PKP4: variants seen among roughly 807,000 people sequenced by gnomAD.
The protein encoded by PKP4 is plakophilin-4.
Under a neutral mutation model 145.1 loss-of-function variants are expected in PKP4, and 90 were observed. That is an observed-to-expected ratio of 0.62 (90% CI 0.52 to 0.74). The LOEUF is 0.74. Among genes scored for constraint, PKP4 ranks in the 30% least tolerant of loss-of-function variants. The pLI is 0.00. For synonymous variants in PKP4, 563 were observed against 577.2 expected (o/e 0.98, Z 0.35); for missense variants, 1,340 against 1,482.7 (o/e 0.90, Z 1.58).
intron 2 of PKP4, among the ~76,000 whole-genome samples, chr2:158,549,627 T>C (rs2045415777): frequency 6.6e-6 from 1 of 152,042 alleles, no homozygotes; most frequent in Non-Finnish European, 1.5e-5. Context: ...ACTTTTTTTC[T>C]TATAATATTT....
intron 11 of PKP4, among the ~76,000 whole-genome samples, chr2:158,651,692 T>C (rs550761307): frequency 1.3e-5 from 2 of 151,854 alleles, no homozygotes; most frequent in Admixed American, 6.6e-5. Context: ...TCACACACTT[T>C]GAAAAACATC....
chr2:158,674,407 T>C (rs3755425), intron 19 of PKP4, among the ~76,000 whole-genome samples: 4,745 of 152,262 alleles, frequency 0.031, 211 homozygotes, highest in East Asian at 0.19. Context: ...CCAAAGTGAA[T>C]TTTTTTAAGT....
At chr2:158,636,608 G>T (rs1334775482) in intron 9 of PKP4, among the ~76,000 whole-genome samples, 1 of 151,420 alleles carries the variant, frequency 6.6e-6, no homozygotes, top group African/African-American at 2.4e-5. Context: ...TTTTTTTTCT[G>T]CCCCAAACTC....
At chr2:158,543,353 G>A (rs2044688702) in intron 2 of PKP4, among the ~76,000 whole-genome samples, 1 of 152,138 alleles carries the variant, frequency 6.6e-6, no homozygotes, top group Non-Finnish European at 1.5e-5. Flanking sequence ...ATTAGTGGTA[G>A]AGGCTAAAAA....
chr2:158,501,475 C>T (rs1696552319), intron 1 of PKP4, among the ~76,000 whole-genome samples: 2 of 152,220 alleles, frequency 1.3e-5, no homozygotes, highest in Non-Finnish European at 2.9e-5. Context: ...AGATTTCTCT[C>T]TCCCTACCCT....
chr2:158,557,230 C>T (rs1269525730), intron 2 of PKP4, among the ~76,000 whole-genome samples: 1 of 152,096 alleles, frequency 6.6e-6, no homozygotes, highest in Non-Finnish European at 1.5e-5. Flanking sequence ...TACTATGTGG[C>T]TCATTGTATG....
rs142162051 is a variant in PKP4 at position 158,542,700 on chromosome 2, A to T, written c.132+9384A>T. On this transcript the variant is annotated intron_variant, in intron 2 of 21. Transcript: ENST00000389759. ...CTCTGACAGGTCTGCCATTGTGCGAAAAAAGACCCTTCATTGCTTTACTGG... is the reference window on the plus strand; with the variant it reads ...CTCTGACAGGTCTGCCATTGTGCGATAAAAGACCCTTCATTGCTTTACTGG... Among the ~76,000 whole-genome samples, 3 of 152,302 alleles carry T rather than the reference A, an allele frequency of 2.0e-5. No individual in the cohort carries two copies. In the East Asian group the frequency reaches 5.8e-4, roughly 29 times the overall value.
chr2:158,644,080 T>A (rs1391915702), intron 11 of PKP4, among the ~76,000 whole-genome samples: 1 of 152,142 alleles, frequency 6.6e-6, no homozygotes, highest in Admixed American at 6.6e-5. Flanking sequence ...TAGGGAACTT[T>A]TATAAGGAAC....
chr2:158,555,085 A>G (rs912694241), intron 2 of PKP4, among the ~76,000 whole-genome samples: 2 of 152,218 alleles, frequency 1.3e-5, no homozygotes, highest in African/African-American at 2.4e-5. Flanking sequence ...GATATTTTCT[A>G]ATTGTTCTCC....
At chr2:158,484,392 A>G (rs1266803765) in intron 1 of PKP4, among the ~76,000 whole-genome samples, 3 of 152,164 alleles carry the variant, frequency 2.0e-5, no homozygotes, top group African/African-American at 7.2e-5. Flanking sequence ...ACTCAGCGTC[A>G]TTTCCACTTG....
In PKP4 at chr2:158,680,464, C is replaced by T. The variant is rs1378490053; in HGVS notation, c.3366C>T (p.Asn1122=). The T allele has an allele frequency of 3.7e-6, 6 of 1,612,472 alleles. No individual in the cohort carries two copies. The highest frequency in any genetic ancestry group is 5.1e-6 in the Non-Finnish European group (6 of 1,178,900). ...QQLYYSQDDS[N]RKNFDAYRLY... is the part of the protein sequence containing the mutation. ...TGTATTATAGTCAAGATGACTCCAA[C>T]AGAAAGAACTTTGATGCATACAGAT... The change falls in exon 22 of 22, where the codon AAC becomes AAT. Residue 1122 remains asparagine, a synonymous_variant. Transcript: ENST00000389759.
At chr2:158,490,473 G>C (rs559867620) in intron 1 of PKP4, among the ~76,000 whole-genome samples, 1 of 152,190 alleles carries the variant, frequency 6.6e-6, no homozygotes, top group South Asian at 2.1e-4. Flanking sequence ...TTTTCAAAAA[G>C]CTTGTAACAA....
At chr2:158,476,056 A>G (rs1268547155) in intron 1 of PKP4, among the ~76,000 whole-genome samples, 5 of 152,200 alleles carry the variant, frequency 3.3e-5, no homozygotes, top group African/African-American at 1.2e-4. Flanking sequence ...AGACAAAGAA[A>G]CATCCTTATC....
chr2:158,663,375 A>G lies in PKP4; in HGVS notation c.2507A>G (p.Glu836Gly). ...AAACCATATCTGACTCTTCTAGCAG[A>G]AAGTTCCAACCCAGCCACCTTGGAA... is the stretch of plus-strand genomic sequence containing the variant. ...VVKPYLTLLAESSNPATLEGS... is the reference protein window; with the variant it reads ...VVKPYLTLLAGSSNPATLEGS... The change falls in exon 15 of 22, where the codon GAA (glutamate) becomes GGA (glycine). Residue 836 changes from glutamate (E) to glycine (G), a missense_variant. By Grantham distance (98) the Glu-to-Gly change is moderately conservative. Transcript: ENST00000389759. 1 of 1,614,160 alleles carries G rather than the reference A, an allele frequency of 6.2e-7. No homozygotes were observed. Among genetic ancestry groups the G allele is most frequent in the Non-Finnish European group, 8.5e-7 (1 of 1,180,024 alleles).
At chr2:158,611,678 T>C (rs2051162014) in intron 4 of PKP4, among the ~76,000 whole-genome samples, 1 of 152,166 alleles carries the variant, frequency 6.6e-6, no homozygotes, top group Non-Finnish European at 1.5e-5. Flanking sequence ...GAGTGTTGTA[T>C]TGTACATGTT....
chr2:158,570,728 A>G (rs2047350121), intron 2 of PKP4, among the ~76,000 whole-genome samples: 1 of 152,188 alleles, frequency 6.6e-6, no homozygotes, highest in Non-Finnish European at 1.5e-5. Flanking sequence ...ATTTCTAAAA[A>G]TTACTATGTA....
rs560314422 is a variant in PKP4, at chr2:158,626,497, A to G, written c.1153+1070A>G. Among the ~76,000 whole-genome samples, 4 of 152,318 alleles carry G rather than the reference A, an allele frequency of 2.6e-5. No homozygotes were observed. The East Asian group carries it at 7.7e-4, about 29-fold the overall frequency. On this transcript the variant is annotated intron_variant, in intron 7 of 21. Transcript: ENST00000389759. ...ATACATTGTTCTCCCTGCATATTTC[A>G]CATAAGTACTAGGGTAACTGGGATC...
At position 158,516,479 on chromosome 2, in the gene PKP4, G is replaced by A. The variant is rs1312910629; in HGVS notation, c.-5-16701G>A. Among the ~76,000 whole-genome samples the A allele has an allele frequency of 3.3e-5, 5 of 152,226 alleles. No individual in the cohort carries two copies. The South Asian group carries it at 6.2e-4, about 19-fold the overall frequency. ...TCTTTAAAATTACACATGAATTAATGTATAATTTAAATAGAAATCTCATGC... is the reference window on the plus strand; with the variant it reads ...TCTTTAAAATTACACATGAATTAATATATAATTTAAATAGAAATCTCATGC... On this transcript the variant is annotated intron_variant, in intron 1 of 21. Coordinates refer to ENST00000389759, the MANE Select transcript of PKP4 (RefSeq NM_003628.6).
intron 1 of PKP4, among the ~76,000 whole-genome samples, chr2:158,515,212 G>GTGA (rs2041837519): frequency 6.6e-6 from 1 of 152,234 alleles, no homozygotes; most frequent in Non-Finnish European, 1.5e-5. Flanking sequence ...TCATTTCCAT[G>GTGA]TGAGTGTTCA....
Sources: allele counts gnomAD v4.1 joint callset (sites outside exome capture counted in the v4.1 genomes callset), GRCh38; gene constraint gnomAD v4.1.1; transcripts MANE v1.5; gene names NCBI Gene and HGNC (gene_info 2026-07-23, HGNC 2026-07-21).